Variants in FHIT observed in about 807,000 individuals in gnomAD.
FHIT encodes the protein bis(5'-adenosyl)-triphosphatase.
FHIT carries 19 observed loss-of-function variants against 17.9 expected under a neutral mutation model. That is an observed-to-expected ratio of 1.06 (90% CI 0.74 to 1.56). FHIT has a LOEUF of 1.56. Among genes scored for constraint, FHIT ranks in the 40% most tolerant of loss-of-function variants. FHIT has a pLI of 0.00. For synonymous variants in FHIT, 81 were observed against 69.7 expected, an observed-to-expected ratio of 1.16 and a Z score of -0.81; for missense variants, 248 against 189.2, an observed-to-expected ratio of 1.31 and a Z score of -1.82.
chr3:60,757,526 G>A (rs545197267), intron 4 of FHIT, among the ~76,000 whole-genome samples: 4 of 152,322 alleles, frequency 2.6e-5, no homozygotes, highest in African/African-American at 9.6e-5. Flanking sequence ...GCATGTCGAG[G>A]GTTGAAGAAA....
rs150501998 is a variant in FHIT, at chr3:60,181,894, T to C, written c.104-167742A>G. 2.3e-3 allele frequency among the ~76,000 whole-genome samples: 355 copies of C among 152,314 alleles called. 4 individuals are homozygous for C. Among genetic ancestry groups the C allele is most frequent in the African/African-American group, 8.1e-3 (338 of 41,572 alleles). On this transcript the variant is annotated intron_variant, in intron 5 of 9. Transcript: ENST00000492590. ...GGAGGTACACCCTCCTATATATATC[T>C]CTACCTGTGATACATCATAGCAATC... is the stretch of plus-strand genomic sequence containing the variant.
At chr3:60,223,924 G>A (rs920435044) in intron 5 of FHIT, among the ~76,000 whole-genome samples, 10 of 152,070 alleles carry the variant, frequency 6.6e-5, no homozygotes, top group Admixed American at 1.3e-4. Flanking sequence ...CCCGTGCTGC[G>A]TCCTGTTCTC....
chr3:59,921,690 A>G (rs146262906), intron 8 of FHIT, among the ~76,000 whole-genome samples: 4 of 152,386 alleles, frequency 2.6e-5, no homozygotes, highest in South Asian at 2.1e-4. Context: ...GACAGGCTGT[A>G]TGCTCCACAA....
At chr3:59,917,203 A>G (rs1267774694) in intron 8 of FHIT, among the ~76,000 whole-genome samples, 3 of 152,216 alleles carry the variant, frequency 2.0e-5, no homozygotes, top group African/African-American at 7.2e-5. Context: ...GCTTGAACCC[A>G]CAGTTGCTTT....
intron 5 of FHIT, among the ~76,000 whole-genome samples, chr3:60,479,817 T>C (rs745390757): frequency 1.3e-5 from 2 of 152,242 alleles, no homozygotes; most frequent in Non-Finnish European, 2.9e-5. Context: ...CCTGAATATC[T>C]GAGGTAAAAC....
intron 5 of FHIT, among the ~76,000 whole-genome samples, chr3:60,197,008 T>C (rs902230638): frequency 7.9e-5 from 12 of 152,146 alleles, no homozygotes; most frequent in African/African-American, 2.4e-4. Flanking sequence ...CCCAAATAGA[T>C]AGATACATAT....
rs138513645 is a variant in FHIT at position 60,568,629 on chromosome 3, G to C, written c.-17-31650C>G. Among the ~76,000 whole-genome samples, 16 of 151,622 alleles carry C rather than the reference G, an allele frequency of 1.1e-4. No individual in the cohort carries two copies. In the East Asian group the frequency reaches 2.7e-3, roughly 26 times the overall value. ...TAATAAAAATTAAAAAAAAAGAAAA[G>C]AAAACTTCTAGACTTCCCAACACTT... On this transcript the variant is annotated intron_variant, in intron 4 of 9. Coordinates refer to ENST00000492590, the MANE Select transcript of FHIT (RefSeq NM_002012.4).
At chr3:61,011,547 AG>A (rs1171543369) in intron 3 of FHIT, among the ~76,000 whole-genome samples, 2 of 152,132 alleles carry the variant, frequency 1.3e-5, no homozygotes, top group African/African-American at 4.8e-5. Context: ...TGCTTTATAC[AG>A]TCTATAACTG....
chr3:60,384,483 T>C (rs957951764), intron 5 of FHIT, among the ~76,000 whole-genome samples: 1 of 152,172 alleles, frequency 6.6e-6, no homozygotes, highest in African/African-American at 2.4e-5. Context: ...GAGAGTCGTA[T>C]GTTTTTCTTT....
At chr3:61,061,795 A>G (rs922676321) in intron 2 of FHIT, among the ~76,000 whole-genome samples, 1 of 152,212 alleles carries the variant, frequency 6.6e-6, no homozygotes, top group African/African-American at 2.4e-5. Flanking sequence ...CAAAACATGT[A>G]TAAAAGCATA....
chr3:60,755,919 C>G (rs2042562415), intron 4 of FHIT, among the ~76,000 whole-genome samples: 1 of 152,206 alleles, frequency 6.6e-6, no homozygotes, highest in South Asian at 2.1e-4. Flanking sequence ...ACAAACATTG[C>G]ATGCATTAGA....
chr3:59,879,940 A>G (rs561886356), intron 8 of FHIT, among the ~76,000 whole-genome samples: 9 of 48,034 alleles, frequency 1.9e-4, no homozygotes, highest in African/African-American at 4.4e-4. Context: ...CCCGCCCCTT[A>G]GCAACGTGGC....
At chr3:60,147,355 G>C (rs1700282738) in intron 5 of FHIT, among the ~76,000 whole-genome samples, 1 of 152,154 alleles carries the variant, frequency 6.6e-6, no homozygotes, top group African/African-American at 2.4e-5. Flanking sequence ...AGTCTTAACT[G>C]ACGATTCAAG....
chr3:60,551,745 G>C (rs2036566928), intron 4 of FHIT, among the ~76,000 whole-genome samples: 1 of 149,790 alleles, frequency 6.7e-6, no homozygotes, highest in East Asian at 2.0e-4. Context: ...GTGACATAGT[G>C]AGATCCTGTC....
intron 8 of FHIT, among the ~76,000 whole-genome samples, chr3:59,845,448 T>C (rs1701683920): frequency 6.6e-6 from 1 of 152,172 alleles, no homozygotes; most frequent in South Asian, 2.1e-4. Flanking sequence ...TTTTCATTAC[T>C]TCCATATGTT....
At chr3:60,272,748 C>G (rs1441029620) in intron 5 of FHIT, among the ~76,000 whole-genome samples, 2 of 152,178 alleles carry the variant, frequency 1.3e-5, no homozygotes, top group Admixed American at 1.3e-4. Flanking sequence ...CAAATCAAGA[C>G]AGACCTCCAG....
chr3:61,118,815 A>T (rs1047610887), intron 2 of FHIT, among the ~76,000 whole-genome samples: 1 of 152,188 alleles, frequency 6.6e-6, no homozygotes, highest in African/African-American at 2.4e-5. Context: ...TTTATTTATT[A>T]ATATTAATTA....
chr3:60,351,590 T>A (rs1163689081), intron 5 of FHIT, among the ~76,000 whole-genome samples: 3 of 152,190 alleles, frequency 2.0e-5, no homozygotes, highest in Non-Finnish European at 4.4e-5. Flanking sequence ...TCACTACAGA[T>A]AAAAGCAAAG....
At chr3:61,119,935 G>A (rs149524968) in intron 2 of FHIT, among the ~76,000 whole-genome samples, 2 of 152,256 alleles carry the variant, frequency 1.3e-5, no homozygotes, top group East Asian at 3.9e-4. Flanking sequence ...GCTTGCAGAC[G>A]GCAGATCATG....
Sources: allele counts gnomAD v4.1 joint callset (sites outside exome capture counted in the v4.1 genomes callset), GRCh38; gene constraint gnomAD v4.1.1; transcripts MANE v1.5; gene names NCBI Gene and HGNC (gene_info 2026-07-23, HGNC 2026-07-21).